The following SHTN1 variants were observed in gnomAD, a reference collection of about 807,000 sequenced individuals.
SHTN1 encodes the protein shootin 1.
In SHTN1, 42 loss-of-function variants were observed where a neutral mutation model predicts 83.1. The ratio of observed to expected loss-of-function variants is 0.51; its 90% CI spans 0.39 to 0.65. The LOEUF is 0.65. Ranked by LOEUF, SHTN1 falls within the 30% of genes least tolerant of loss-of-function variation. SHTN1 has a pLI of 0.00. For missense variants in SHTN1, 622 were observed against 737.8 expected (o/e 0.84, Z 1.82); for synonymous variants, 224 against 247.7 (o/e 0.90, Z 0.90).
At chr10:117,108,359 A>G (rs1322233882) in intron 1 of SHTN1, among the ~76,000 whole-genome samples, 1 of 152,040 alleles carries the variant, frequency 6.6e-6, no homozygotes, top group Non-Finnish European at 1.5e-5. Flanking sequence ...CATATACACC[A>G]TGGAATACTA....
At chr10:117,031,700 T>G (rs1031011988) in intron 2 of SHTN1, among the ~76,000 whole-genome samples, 10 of 152,136 alleles carry the variant, frequency 6.6e-5, no homozygotes, top group African/African-American at 2.4e-4. Flanking sequence ...GGTATTAAGA[T>G]AGTATTTGCA....
intron 1 of SHTN1, among the ~76,000 whole-genome samples, chr10:117,060,677 C>T (rs955623381): frequency 6.6e-6 from 1 of 152,162 alleles, no homozygotes; most frequent in African/African-American, 2.4e-5. Context: ...AGAACTTCAC[C>T]TTGAGTAGAT....
At chr10:117,055,614 T>C (rs944925243) in intron 1 of SHTN1, among the ~76,000 whole-genome samples, 2 of 152,220 alleles carry the variant, frequency 1.3e-5, no homozygotes, top group Non-Finnish European at 2.9e-5. Context: ...GCACCTGTAA[T>C]TCCAGCTACT....
At chr10:116,909,697 A>G (rs561331658) in intron 14 of SHTN1, among the ~76,000 whole-genome samples, 2 of 152,298 alleles carry the variant, frequency 1.3e-5, no homozygotes, top group African/African-American at 4.8e-5. Flanking sequence ...CAACTCAGAA[A>G]ATAGAATAGG....
intron 1 of SHTN1, among the ~76,000 whole-genome samples, chr10:116,983,481 G>A (rs376902404): frequency 1.2e-4 from 19 of 152,202 alleles, no homozygotes; most frequent in African/African-American, 4.3e-4. Context: ...GTAAAGAAAG[G>A]TGGCAAAGAA....
intron 2 of SHTN1, among the ~76,000 whole-genome samples, chr10:117,020,968 T>C (rs1564932926): frequency 6.6e-6 from 1 of 150,506 alleles, no homozygotes; most frequent in Non-Finnish European, 1.5e-5. Flanking sequence ...ACTCAGTAAT[T>C]AAAAAAAAAC....
intron 1 of SHTN1, among the ~76,000 whole-genome samples, chr10:117,078,790 T>C (rs1853203936): frequency 6.6e-6 from 1 of 152,168 alleles, no homozygotes; most frequent in African/African-American, 2.4e-5. Flanking sequence ...TTATTTAATA[T>C]ATGAAGATCT....
At chr10:116,900,731 T>C in intron 16 of SHTN1, 3 of 984,648 alleles carry the variant, frequency 3.0e-6, no homozygotes, top group South Asian at 4.7e-5. Context: ...ATCTTTCTGT[T>C]AGAACTGTTC....
At chr10:117,032,612 C>T (rs924266076) in intron 2 of SHTN1, among the ~76,000 whole-genome samples, 29 of 152,140 alleles carry the variant, frequency 1.9e-4, no homozygotes, top group Non-Finnish European at 7.4e-5. Flanking sequence ...GAGAATTCAA[C>T]ACTCCACTTT....
chr10:116,977,278 T>C (rs1287984444), intron 2 of SHTN1, among the ~76,000 whole-genome samples: 6 of 152,234 alleles, frequency 3.9e-5, no homozygotes, highest in Admixed American at 3.9e-4. Context: ...TCTTTCTCTA[T>C]TATATGAAGA....
At chr10:117,115,074 T>C (rs1285533555) in intron 1 of SHTN1, among the ~76,000 whole-genome samples, 3 of 152,204 alleles carry the variant, frequency 2.0e-5, no homozygotes, top group African/African-American at 4.8e-5. Context: ...TTTTAACTCT[T>C]TGGGGGTCAT....
chr10:117,041,074 A>G (rs567576871), intron 2 of SHTN1, among the ~76,000 whole-genome samples: 1 of 152,042 alleles, frequency 6.6e-6, no homozygotes, highest in Non-Finnish European at 1.5e-5. Context: ...CATTAGGTAT[A>G]TCTCCAAATG....
chr10:116,997,846 A>G (rs938098881), intron 1 of SHTN1, among the ~76,000 whole-genome samples: 2 of 152,162 alleles, frequency 1.3e-5, no homozygotes, highest in Admixed American at 1.3e-4. Flanking sequence ...TAAACCCAGC[A>G]CTTTGGGAGG....
Position 116,923,290 on chromosome 10 carries a change from G to C in SHTN1, c.1113-1774C>G, listed in dbSNP as rs72831693. Among the ~76,000 whole-genome samples, 1,512 of 152,268 alleles carry C rather than the reference G, an allele frequency of 9.9e-3. 17 individuals carry two copies. Among genetic ancestry groups the C allele is most frequent in the South Asian group, 0.024 (115 of 4,826 alleles). Reference sequence around the variant, plus strand: ...TTCTTTTAAAACTGTACATAGGCTTGTGTACATATCTGCATATAGCATCAT... The same window carrying C: ...TTCTTTTAAAACTGTACATAGGCTTCTGTACATATCTGCATATAGCATCAT... On this transcript the variant is annotated intron_variant, in intron 11 of 16. Coordinates refer to ENST00000355371, the MANE Select transcript of SHTN1 (RefSeq NM_001127211.3).
chr10:116,909,471 C>T (rs927074147), intron 14 of SHTN1, among the ~76,000 whole-genome samples: 2 of 152,180 alleles, frequency 1.3e-5, no homozygotes, highest in African/African-American at 4.8e-5. Flanking sequence ...ATCTATTCTT[C>T]AGCAATCACC....
At chr10:116,981,048 G>A (rs1338387855) in intron 1 of SHTN1, among the ~76,000 whole-genome samples, 3 of 152,220 alleles carry the variant, frequency 2.0e-5, no homozygotes, top group Admixed American at 2.0e-4. Flanking sequence ...GCTGGGCGTG[G>A]TGGCTCACGC....
chr10:116,962,067 TTCTTC>T (rs1273457624), intron 3 of SHTN1, among the ~76,000 whole-genome samples: 1 of 111,578 alleles, frequency 9.0e-6, no homozygotes, highest in Non-Finnish European at 1.7e-5. Context: ...ATCACCCCCC[TTCTTC>T]TCTTCTATCT....
intron 3 of SHTN1, among the ~76,000 whole-genome samples, chr10:116,968,073 T>C (rs2133456169): frequency 6.6e-6 from 1 of 152,256 alleles, no homozygotes; most frequent in South Asian, 2.1e-4. Flanking sequence ...TTCCAGCTAC[T>C]TGGGAGGCTA....
chr10:116,933,928 GCTT>G (rs1456520386), intron 9 of SHTN1, among the ~76,000 whole-genome samples: 1 of 152,134 alleles, frequency 6.6e-6, no homozygotes, highest in African/African-American at 2.4e-5. Context: ...GTGATGATGA[GCTT>G]TTTTTCATAT....
Sources: gnomAD v4.1 joint callset for allele counts (sites outside exome capture counted in the v4.1 genomes callset) on GRCh38, gnomAD v4.1.1 for gene constraint, MANE v1.5 for transcripts, NCBI Gene and HGNC (gene_info 2026-07-23, HGNC 2026-07-21) for gene names.